Variants in RNLS observed in about 807,000 individuals in gnomAD.
RNLS encodes the protein renalase.
RNLS carries 39 observed loss-of-function variants against 39.8 expected under a neutral mutation model. That is an observed-to-expected ratio of 0.98 (90% CI 0.76 to 1.28). The LOEUF is 1.28. Among genes scored for constraint, RNLS ranks in the 50% most tolerant of loss-of-function variants. The probability of loss-of-function intolerance (pLI) is 0.00; values close to 1 mark genes in which losing one functional copy is unlikely to be tolerated. For synonymous variants in RNLS, 147 were observed against 150.7 expected (o/e 0.98, Z 0.18); for missense variants, 410 against 413.3 (o/e 0.99, Z 0.07).
chr10:88,230,794 AT>A, the RNLS span, among the ~76,000 whole-genome samples: 4 of 152,198 alleles, frequency 2.6e-5, no homozygotes, highest in African/African-American at 9.7e-5. Context: ...TACTCATGGG[AT>A]TATCCCATTG....
chr10:88,309,624 C>A, intron 6 of RNLS: 1 of 420,456 alleles, frequency 2.4e-6, no homozygotes, highest in Non-Finnish European at 4.7e-6. Flanking sequence ...TTGAAAAGGG[C>A]AAAGACTTCC....
the RNLS span, among the ~76,000 whole-genome samples, chr10:88,224,437 T>G: frequency 6.6e-6 from 1 of 152,198 alleles, no homozygotes; most frequent in African/African-American, 2.4e-5. Context: ...AGAAAGACCA[T>G]GAAGGTTTTG....
intron 4 of RNLS, among the ~76,000 whole-genome samples, chr10:88,398,142 T>C (rs1336934822): frequency 6.6e-6 from 1 of 151,986 alleles, no homozygotes; most frequent in Admixed American, 6.6e-5. Context: ...GTTATACTCA[T>C]AGATCCCAAA....
the RNLS span, among the ~76,000 whole-genome samples, chr10:88,229,566 C>A: frequency 6.6e-6 from 1 of 152,178 alleles, no homozygotes; most frequent in Non-Finnish European, 1.5e-5. Context: ...AATTCAATGG[C>A]CTTTTAGTAC....
chr10:88,267,881 C>A, the RNLS span, among the ~76,000 whole-genome samples: 1 of 152,138 alleles, frequency 6.6e-6, no homozygotes, highest in Non-Finnish European at 1.5e-5. Flanking sequence ...GGGAAGAGAG[C>A]CTGCCATGGC....
the RNLS span, among the ~76,000 whole-genome samples, chr10:88,178,199 G>T: frequency 6.6e-6 from 1 of 152,154 alleles, no homozygotes; most frequent in Admixed American, 6.5e-5. Context: ...GTGTCACAAT[G>T]CTGCAGACCT....
chr10:88,221,826 T>TC, the RNLS span, among the ~76,000 whole-genome samples: 1 of 152,290 alleles, frequency 6.6e-6, no homozygotes, highest in Non-Finnish European at 1.5e-5. Flanking sequence ...CTTTTTTTTT[T>TC]CCTTTGATTT....
chr10:88,301,250 G>A (rs1844495748), intron 6 of RNLS, among the ~76,000 whole-genome samples: 1 of 152,192 alleles, frequency 6.6e-6, no homozygotes, highest in South Asian at 2.1e-4. Flanking sequence ...CAATTAAACT[G>A]TGAGTGTACA....
intron 6 of RNLS, among the ~76,000 whole-genome samples, chr10:88,289,714 TAAAA>T (rs1396515879): frequency 6.6e-6 from 1 of 152,074 alleles, no homozygotes; most frequent in South Asian, 2.1e-4. Flanking sequence ...TTTATTGTGT[TAAAA>T]AAAGATATTG....
At chr10:88,281,457 TC>T (rs1210969903), downstream of RNLS, among the ~76,000 whole-genome samples, 1 of 152,158 alleles carries the variant, frequency 6.6e-6, no homozygotes, top group Non-Finnish European at 1.5e-5. Context: ...CTACTCTGTC[TC>T]CCACTCCAGG....
intron 4 of RNLS, among the ~76,000 whole-genome samples, chr10:88,505,870 A>T (rs1040719008): frequency 6.6e-6 from 1 of 152,156 alleles, no homozygotes; most frequent in African/African-American, 2.4e-5. Context: ...ACATGTTATC[A>T]GTGTGAAAAA....
intron 6 of RNLS, among the ~76,000 whole-genome samples, chr10:88,294,729 A>G (rs527975130): frequency 5.3e-5 from 8 of 152,252 alleles, no homozygotes; most frequent in African/African-American, 1.7e-4. Flanking sequence ...TCTGGTATCT[A>G]TTACTCCACT....
intron 4 of RNLS, among the ~76,000 whole-genome samples, chr10:88,502,023 T>C (rs1475798668): frequency 6.6e-6 from 1 of 152,104 alleles, no homozygotes; most frequent in Non-Finnish European, 1.5e-5. Context: ...TATAGGAACA[T>C]CACATTCATC....
intron 4 of RNLS, among the ~76,000 whole-genome samples, chr10:88,549,789 A>C (rs553304563): frequency 6.3e-4 from 96 of 152,320 alleles, no homozygotes; most frequent in Middle Eastern, 3.4e-3. Flanking sequence ...ATAGTTAAGG[A>C]GGTTGAGGCC....
chr10:88,221,810 G>T, the RNLS span, among the ~76,000 whole-genome samples: 4 of 152,008 alleles, frequency 2.6e-5, no homozygotes, highest in Admixed American at 2.6e-4. Flanking sequence ...CTAATCAATT[G>T]TGGCACTTTT....
At chr10:88,547,330 G>A (rs1021354286) in intron 4 of RNLS, among the ~76,000 whole-genome samples, 1 of 152,178 alleles carries the variant, frequency 6.6e-6, no homozygotes, top group African/African-American at 2.4e-5. Context: ...GCACATGCAT[G>A]TTAGCCCTGG....
chr10:88,387,616 T>G (rs1179319707), intron 4 of RNLS, among the ~76,000 whole-genome samples: 1 of 152,072 alleles, frequency 6.6e-6, no homozygotes, highest in African/African-American at 2.4e-5. Flanking sequence ...AAAGTGCTTT[T>G]ACATGTAATC....
chr10:88,256,457 G>C, the RNLS span, among the ~76,000 whole-genome samples: 658 of 152,342 alleles, frequency 4.3e-3, 1 homozygote, highest in African/African-American at 0.015. Flanking sequence ...AAGAGAGCAA[G>C]TTATTCCAGT....
intron 4 of RNLS, among the ~76,000 whole-genome samples, chr10:88,472,685 T>C (rs377293596): frequency 1.2e-4 from 19 of 152,346 alleles, no homozygotes; most frequent in South Asian, 1.2e-3. Context: ...TAGAGGCTTA[T>C]TAAGTACCAA....
Sources: gnomAD v4.1 joint callset for allele counts (sites outside exome capture counted in the v4.1 genomes callset) on GRCh38, gnomAD v4.1.1 for gene constraint, MANE v1.5 for transcripts, NCBI Gene and HGNC (gene_info 2026-07-23, HGNC 2026-07-21) for gene names.